Variants in PATJ observed in about 807,000 individuals in gnomAD.
PATJ encodes inaD-like protein.
Under a neutral mutation model 224.9 loss-of-function variants are expected in PATJ, and 190 were observed. The observed-to-expected ratio is 0.84, with a 90% CI of 0.75 to 0.95. The LOEUF is 0.95. Among genes scored for constraint, PATJ ranks in the 40% least tolerant of loss-of-function variants. The probability of loss-of-function intolerance (pLI) is 0.00; values close to 1 mark genes in which losing one functional copy is unlikely to be tolerated. For missense variants in PATJ, 2,121 were observed against 2,270.3 expected, an observed-to-expected ratio of 0.93 and a Z score of 1.34; for synonymous variants, 769 against 820.3, an observed-to-expected ratio of 0.94 and a Z score of 1.07.
chr1:61,971,272 G>T (rs1308018842), intron 27 of PATJ, among the ~76,000 whole-genome samples: 1 of 152,084 alleles, frequency 6.6e-6, no homozygotes, highest in Non-Finnish European at 1.5e-5. Flanking sequence ...TCTTCTTTTG[G>T]CCATGAAAAT....
chr1:62,055,141 G>T (rs368236383), intron 31 of PATJ, among the ~76,000 whole-genome samples: 5 of 152,146 alleles, frequency 3.3e-5, no homozygotes, highest in Non-Finnish European at 5.9e-5. Context: ...ATAACCATAT[G>T]TAAAGAGAAG....
At chr1:62,007,817 T>C (rs972834818) in intron 28 of PATJ, among the ~76,000 whole-genome samples, 1 of 152,206 alleles carries the variant, frequency 6.6e-6, no homozygotes, top group Admixed American at 6.5e-5. Context: ...AAGGCACTAA[T>C]TTCCTCTATG....
intron 27 of PATJ, among the ~76,000 whole-genome samples, chr1:61,970,843 C>G (rs954112215): frequency 1.3e-5 from 2 of 151,896 alleles, no homozygotes; most frequent in African/African-American, 4.8e-5. Flanking sequence ...TCAGAAGATA[C>G]TATCATCAAA....
At chr1:61,932,313 G>A (rs756189188) in intron 27 of PATJ, among the ~76,000 whole-genome samples, 17 of 152,156 alleles carry the variant, frequency 1.1e-4, no homozygotes, top group Non-Finnish European at 5.9e-5. Flanking sequence ...CGAAACCACT[G>A]ATCGAAATGG....
chr1:61,933,170 T>C (rs1209358664), intron 27 of PATJ, among the ~76,000 whole-genome samples: 2 of 152,190 alleles, frequency 1.3e-5, no homozygotes, highest in African/African-American at 4.8e-5. Context: ...TTGGCAAAAC[T>C]ACCATTATCA....
At chr1:61,948,928 G>C (rs1679184717) in intron 27 of PATJ, among the ~76,000 whole-genome samples, 1 of 152,038 alleles carries the variant, frequency 6.6e-6, no homozygotes, top group Non-Finnish European at 1.5e-5. Context: ...CATGGATGAA[G>C]CTGGAAACCA....
chr1:61,997,577 G>T (rs6690451), intron 28 of PATJ, among the ~76,000 whole-genome samples: 31,853 of 152,012 alleles, frequency 0.21, 3,495 homozygotes, highest in African/African-American at 0.25. Flanking sequence ...TATTTGCCTG[G>T]CAGTAGGCTG....
At chr1:61,817,684 A>G (rs141031811) in intron 14 of PATJ, among the ~76,000 whole-genome samples, 55 of 152,252 alleles carry the variant, frequency 3.6e-4, no homozygotes, top group Non-Finnish European at 6.6e-4. Flanking sequence ...ATAAAATAAA[A>G]TTTTGGAAGG....
intron 31 of PATJ, among the ~76,000 whole-genome samples, chr1:62,065,386 G>T (rs1029922097): frequency 3.9e-5 from 6 of 152,124 alleles, no homozygotes; most frequent in Admixed American, 2.0e-4. Flanking sequence ...CGAGACAGGC[G>T]GATCACCTGA....
intron 33 of PATJ, among the ~76,000 whole-genome samples, chr1:62,097,751 C>T (rs749421911): frequency 2.6e-4 from 40 of 152,174 alleles, no homozygotes; most frequent in South Asian, 2.1e-3. Context: ...CTAAGTTTTG[C>T]GGCCAAAGGT....
In PATJ at chr1:62,013,514, G is replaced by T. The variant is rs142511619; in HGVS notation, c.3868-4342G>T. 7.9e-3 allele frequency: 7,824 copies of T among 985,144 alleles called. 50 individuals carry two copies. The highest frequency in any genetic ancestry group is 0.022 in the Admixed American group (366 of 16,276). The allele number at this position is 985,144 out of a possible 1,614,324, so 61.0% of individuals were successfully genotyped here. ...AGGATGTTGGCTCCTGCCCTAAGGA[G>T]CTCCACTCAGTTCAGTAGGTGTTGC... is the stretch of plus-strand genomic sequence containing the variant. On this transcript the variant is annotated intron_variant, in intron 28 of 43. Transcript: ENST00000642238.
chr1:61,863,777 A>G (rs1346011952), intron 19 of PATJ, among the ~76,000 whole-genome samples: 4 of 152,234 alleles, frequency 2.6e-5, no homozygotes, highest in Admixed American at 2.6e-4. Context: ...TTTATAGAGA[A>G]TGTTTTCTGA....
chr1:61,759,001 A>G (rs1645807701), intron 1 of PATJ, among the ~76,000 whole-genome samples: 2 of 152,192 alleles, frequency 1.3e-5, no homozygotes, highest in Non-Finnish European at 2.9e-5. Context: ...CAGATTATTT[A>G]CAGAAGGCAA....
chr1:61,832,973 T>C (rs1345128150), intron 16 of PATJ, among the ~76,000 whole-genome samples: 1 of 152,174 alleles, frequency 6.6e-6, no homozygotes, highest in African/African-American at 2.4e-5. Context: ...TAGAGGGACT[T>C]TCAGGAGTAA....
chr1:62,012,533 C>T (rs1410338455), intron 28 of PATJ, among the ~76,000 whole-genome samples: 2 of 151,908 alleles, frequency 1.3e-5, no homozygotes, highest in East Asian at 3.9e-4. Flanking sequence ...AAGAATAATG[C>T]CCTCAGAGAA....
At chr1:61,781,368 T>C (rs554620863) in intron 7 of PATJ, among the ~76,000 whole-genome samples, 36 of 152,210 alleles carry the variant, frequency 2.4e-4, no homozygotes, top group Non-Finnish European at 3.5e-4. Flanking sequence ...TGATGGCAGA[T>C]AAAATCTCTT....
At chr1:61,977,546 T>C (rs1345334682) in intron 27 of PATJ, among the ~76,000 whole-genome samples, 1 of 152,022 alleles carries the variant, frequency 6.6e-6, no homozygotes, top group Non-Finnish European at 1.5e-5. Context: ...TTTACAGCAA[T>C]GATATTCCAA....
chr1:61,811,450 G>GC (rs1264974236), intron 14 of PATJ, among the ~76,000 whole-genome samples: 4 of 151,794 alleles, frequency 2.6e-5, no homozygotes, highest in South Asian at 2.1e-4. Context: ...AGCTGGTCTC[G>GC]AACTCCTGCC....
chr1:62,051,038 G>C lies in PATJ; in HGVS notation c.4105G>C (p.Glu1369Gln), dbSNP rs1173226973. The C allele has an allele frequency of 6.2e-7, 1 of 1,612,818 alleles. No homozygotes were observed. Among genetic ancestry groups the C allele is most frequent in the Non-Finnish European group, 8.5e-7 (1 of 1,178,976 alleles). The part of the protein sequence containing the change: ...SVEVGIKQLP[E>Q]SESFKLAVSQ... ...CGAAGTTGGTATTAAACAATTGCCT[G>C]AAAGTGAAAGCTTCAAACTGGTGAG... Residue 1369 changes from glutamate to glutamine, a missense_variant, in exon 31 of 44, where the codon GAA (glutamate) becomes CAA (glutamine). By Grantham distance (29) the Glu-to-Gln change is conservative. Coordinates refer to ENST00000642238, the MANE Select transcript of PATJ (RefSeq NM_001350145.3).
Sources: gnomAD v4.1 joint callset for allele counts (sites outside exome capture counted in the v4.1 genomes callset) on GRCh38, gnomAD v4.1.1 for gene constraint, MANE v1.5 for transcripts, NCBI Gene and HGNC (gene_info 2026-07-23, HGNC 2026-07-21) for gene names.